The following RP2 variants were observed in gnomAD, a reference collection of about 807,000 sequenced individuals.
RP2 encodes the protein RP2 activator of ARL3 GTPase, also known as protein XRP2.
A neutral mutation model predicts 20.3 loss-of-function variants in RP2; 3 were observed. The observed-to-expected ratio is 0.15, with a 90% CI of 0.07 to 0.38. The LOEUF (loss-of-function observed/expected upper bound fraction) is 0.38. Among genes scored for constraint, RP2 ranks in the 10% least tolerant of loss-of-function variants. The pLI is 1.00. For synonymous variants in RP2, 75 were observed against 94.8 expected, an observed-to-expected ratio of 0.79 and a Z score of 1.22; for missense variants, 233 against 268.5, an observed-to-expected ratio of 0.87 and a Z score of 0.92.
At chrX:46,863,909 T>C (rs1226524342) in intron 3 of RP2, among the ~76,000 whole-genome samples, 1 of 112,206 alleles carries the variant, frequency 8.9e-6, no homozygotes, top group Non-Finnish European at 1.9e-5. Context: ...CATTTATTTT[T>C]AATATTTAAT....
At chrX:46,860,259 C>T (rs1214337919) in intron 3 of RP2, among the ~76,000 whole-genome samples, 157 bp downstream of exon 3, 1 of 111,521 alleles carries the variant, frequency 9.0e-6, no homozygotes, top group Non-Finnish European at 1.9e-5. Context: ...AATTTCACAT[C>T]ACTCAAGGAG....
At chrX:46,842,494 A>T (rs1181789467) in intron 1 of RP2, among the ~76,000 whole-genome samples, 2 of 111,994 alleles carry the variant, frequency 1.8e-5, no homozygotes, top group Non-Finnish European at 3.8e-5. Context: ...ATAAAAATTT[A>T]AAATAAATTT....
At chrX:46,843,354 G>T (rs782766992) in intron 1 of RP2, among the ~76,000 whole-genome samples, 38 of 111,440 alleles carry the variant, frequency 3.4e-4, no homozygotes, top group Admixed American at 1.5e-3. Flanking sequence ...TAGAGTGCCT[G>T]CACCATTTAT....
At chrX:46,867,047 C>T (rs1243564003) in intron 3 of RP2, among the ~76,000 whole-genome samples, 1 of 111,955 alleles carries the variant, frequency 8.9e-6, no homozygotes, top group Non-Finnish European at 1.9e-5. Context: ...TATTAAAATG[C>T]ATTTGTGATT....
At chrX:46,857,284 G>A (rs984978233) in intron 2 of RP2, among the ~76,000 whole-genome samples, 1 of 112,031 alleles carries the variant, frequency 8.9e-6, no homozygotes, top group East Asian at 2.8e-4. Context: ...GATTCCAGCC[G>A]GGCGCAGTGG....
intron 2 of RP2, among the ~76,000 whole-genome samples, chrX:46,857,093 G>A (rs1238287698): frequency 9.0e-6 from 1 of 110,636 alleles, no homozygotes; most frequent in East Asian, 2.8e-4. Context: ...ACCCCAGGAG[G>A]ATTACAGAAT....
At position 46,881,463 on chromosome X, in the gene RP2, A is replaced by ATATTATTAT. The variant is rs782229405; in HGVS notation, c.*1711_*1719dup. 4 of 109,247 alleles carry ATATTATTAT rather than the reference A, an allele frequency of 3.7e-5. No individual in the cohort carries two copies. The highest frequency in any genetic ancestry group is 1.3e-4 in the African/African-American group (4 of 29,904). The allele number at this position is 109,247 out of a possible 1,213,427, so 9.0% of individuals were successfully genotyped here. ...AAAGGGACTCCATCCTGTTATGATT[A>ATATTATTAT]TATTATTATTATTATTATTATTATT... On this transcript the variant is annotated 3_prime_UTR_variant, in exon 5 of 5. Transcript: ENST00000218340.
Position 46,847,832 on chromosome X carries a change from A to G in RP2, c.103-5644A>G, listed in dbSNP as rs782758553. Among the ~76,000 whole-genome samples, 221 of 99,635 alleles carry G rather than the reference A, an allele frequency of 2.2e-3. 1 individual carries two copies. Among genetic ancestry groups the G allele is most frequent in the African/African-American group, 7.5e-3 (206 of 27,626 alleles). The allele number at this position is 99,635 out of a possible 115,157, so 86.5% of individuals were successfully genotyped here. On this transcript the variant is annotated intron_variant, in intron 1 of 4. Coordinates refer to ENST00000218340, the MANE Select transcript of RP2 (RefSeq NM_006915.3). ...TACACACATATATGTGTATATGTGTATATATGTGTGTATATATGTGTATAT... is the reference window on the plus strand; with the variant it reads ...TACACACATATATGTGTATATGTGTGTATATGTGTGTATATATGTGTATAT...
intron 3 of RP2, among the ~76,000 whole-genome samples, chrX:46,877,205 T>A (rs1925385070): frequency 1.8e-5 from 2 of 112,402 alleles, no homozygotes; most frequent in Admixed American, 1.9e-4. Flanking sequence ...TGAGTAGAAT[T>A]TCTGTGGTTT....
chrX:46,847,913 CATAT>C (rs202146732), intron 1 of RP2, among the ~76,000 whole-genome samples: 1 of 61,836 alleles, frequency 1.6e-5, no homozygotes, highest in African/African-American at 6.3e-5. Flanking sequence ...TATATGGACT[CATAT>C]ATGTGTATAT....
At chrX:46,844,758 T>A (rs1924688213) in intron 1 of RP2, among the ~76,000 whole-genome samples, 1 of 111,816 alleles carries the variant, frequency 8.9e-6, no homozygotes, top group Non-Finnish European at 1.9e-5. Flanking sequence ...CGCCACACCG[T>A]CTTCCACAAT....
intron 3 of RP2, among the ~76,000 whole-genome samples, chrX:46,861,741 T>C (rs1556320144): frequency 9.0e-6 from 1 of 111,119 alleles, no homozygotes. Flanking sequence ...ACTCAGGAGC[T>C]GAGGTGGGAG....
chrX:46,856,805 T>C (rs1556319294), intron 2 of RP2, among the ~76,000 whole-genome samples: 1 of 111,686 alleles, frequency 9.0e-6, no homozygotes, highest in East Asian at 2.8e-4. Context: ...ATTCTGAAAG[T>C]ACAGAATTAA....
intron 3 of RP2, among the ~76,000 whole-genome samples, chrX:46,875,666 T>C (rs1167070068): frequency 9.0e-6 from 1 of 111,549 alleles, no homozygotes; most frequent in Non-Finnish European, 1.9e-5. Context: ...TCTTTGGCCA[T>C]TGGGAGCCCC....
intron 1 of RP2, among the ~76,000 whole-genome samples, chrX:46,847,767 TGTGTGTGTGTAC>T (rs1569531390): frequency 7.3e-4 from 50 of 68,499 alleles, no homozygotes; most frequent in East Asian, 3.5e-3. Context: ...TATACACACA[TGTGTGTGTGTAC>T]ATACACACAT....
At chrX:46,839,220 C>T (rs139791471) in intron 1 of RP2, among the ~76,000 whole-genome samples, 1,937 of 111,276 alleles carry the variant, frequency 0.017, 20 homozygotes, top group Non-Finnish European at 0.026. Flanking sequence ...TAAGTTGCCT[C>T]ATTTTGATAG....
intron 1 of RP2, among the ~76,000 whole-genome samples, chrX:46,845,993 T>C (rs782228903): frequency 9.0e-6 from 1 of 111,393 alleles, no homozygotes; most frequent in East Asian, 2.8e-4. Context: ...CTTGCACTCC[T>C]GAGCTCAGGT....
Position 46,853,681 on chromosome X carries a change from G to A in RP2, c.308G>A (p.Arg103Gln), listed in dbSNP as rs1343083208. The A allele has an allele frequency of 8.3e-7, 1 of 1,211,736 alleles. No individual in the cohort carries two copies. The change falls in exon 2 of 5, where the codon CGG (arginine) becomes CAG (glutamine). Residue 103 changes from arginine to glutamine, a missense_variant. This residue lies in a region of RP2 where 38 missense variants were observed against 72.9 expected (regional missense o/e 0.52). Coordinates refer to ENST00000218340, the MANE Select transcript of RP2 (RefSeq NM_006915.3). Reference sequence around the variant, plus strand: ...CCCGTGAAAGGCAGCGTGTTTTTCCGGAATTGCAGAGATTGCAAGTGCACA... The same window carrying A: ...CCCGTGAAAGGCAGCGTGTTTTTCCAGAATTGCAGAGATTGCAAGTGCACA... ...LGPVKGSVFF[R>Q]NCRDCKCTLA...
At chrX:46,837,289 C>T (rs1433347892) in intron 1 of RP2, 87 bp downstream of exon 1, 10 of 911,555 alleles carry the variant, frequency 1.1e-5, no homozygotes, top group South Asian at 2.1e-5. Flanking sequence ...AGGGGGCCGA[C>T]CCAACTGCTG....
Sources: allele counts gnomAD v4.1 joint callset (sites outside exome capture counted in the v4.1 genomes callset), GRCh38; gene constraint gnomAD v4.1.1; regional missense constraint gnomAD v4.1.1; transcripts MANE v1.5; gene names NCBI Gene and HGNC (gene_info 2026-07-23, HGNC 2026-07-21).